CDHR1: variants seen among roughly 807,000 people sequenced by gnomAD.
CDHR1 encodes the protein cadherin-related family member 1.
A neutral mutation model predicts 72.1 loss-of-function variants in CDHR1; 61 were observed. That is an observed-to-expected ratio of 0.85 (90% CI 0.69 to 1.05). CDHR1 has a LOEUF of 1.05. Ranked by LOEUF, CDHR1 falls within the 50% of genes least tolerant of loss-of-function variation. The pLI is 0.00. For missense variants in CDHR1, 1,186 were observed against 1,115.7 expected, an observed-to-expected ratio of 1.06 and a Z score of -0.90; for synonymous variants, 470 against 448.1, an observed-to-expected ratio of 1.05 and a Z score of -0.62.
intron 8 of CDHR1, among the ~76,000 whole-genome samples, chr10:84,203,747 C>T (rs1842174084): frequency 6.6e-6 from 1 of 152,186 alleles, no homozygotes; most frequent in African/African-American, 2.4e-5. Flanking sequence ...AAATGAAACA[C>T]TTTTTGAGGA....
At position 84,216,919 on chromosome 10, in the gene CDHR1, C is replaced by T. The variant is rs180827338; in HGVS notation, c.*2298C>T. The T allele has an allele frequency of 1.6e-3, 1,567 of 985,500 alleles. 7 individuals are homozygous for T. Among genetic ancestry groups the T allele is most frequent in the Non-Finnish European group, 1.8e-3 (1,456 of 829,980 alleles). 61.0% of individuals were successfully genotyped at this position (985,500 alleles called of 1,614,324 possible). A position where few individuals can be genotyped will look rare whatever the true frequency, so the allele number is the denominator to read the frequency against. On this transcript the variant is annotated 3_prime_UTR_variant, in exon 17 of 17. Transcript: ENST00000623527. ...GAAGCACTGTCGTCTCTCAGACAGGCGTCCTAAAGACCTCTAGGCTGGAAG... is the reference window on the plus strand; with the variant it reads ...GAAGCACTGTCGTCTCTCAGACAGGTGTCCTAAAGACCTCTAGGCTGGAAG...
At chr10:84,199,213 C>T (rs1202526709) in intron 5 of CDHR1, 92 bp downstream of exon 5, 3 of 993,684 alleles carry the variant, frequency 3.0e-6, no homozygotes, top group Non-Finnish European at 4.7e-6. Context: ...TGGCTCACTG[C>T]CCTGTGGAGA....
At position 84,216,680 on chromosome 10, in the gene CDHR1, A is replaced by T. The variant is rs1316808153; in HGVS notation, c.*2059A>T. On this transcript the variant is annotated 3_prime_UTR_variant, in exon 17 of 17. Transcript: ENST00000623527. ...GATGTGACTCTAAAGAAGGCTGAAA[A>T]TTTTTGTCCAAATTGCCATGCAGAT... 1 of 985,312 alleles carries T rather than the reference A, an allele frequency of 1.0e-6. No individual in the cohort carries two copies. The highest frequency in any genetic ancestry group is 6.1e-5 in the Admixed American group (1 of 16,270). 61.0% of individuals were successfully genotyped at this position (985,312 alleles called of 1,614,324 possible).
chr10:84,199,169 A>G, intron 5 of CDHR1, 48 bp downstream of exon 5: 1 of 1,478,828 alleles, frequency 6.8e-7, no homozygotes, highest in South Asian at 1.2e-5. Context: ...CCAGGCCCAT[A>G]GCCTACCCCT....
intron 6 of CDHR1, among the ~76,000 whole-genome samples, chr10:84,201,410 G>A (rs1053885289): frequency 1.3e-5 from 2 of 152,146 alleles, no homozygotes; most frequent in African/African-American, 4.8e-5. Context: ...TTGGTGTAGG[G>A]TTTGAAGGTC....
chr10:84,199,239 C>G (rs1340969722), intron 5 of CDHR1, 118 bp downstream of exon 5: 2 of 769,746 alleles, frequency 2.6e-6, no homozygotes, highest in African/African-American at 3.4e-5. Context: ...TCTGTCACCA[C>G]CTGCTCCCTC....
chr10:84,219,445 C>G, downstream of CDHR1: 1 of 1,110,700 alleles, frequency 9.0e-7, no homozygotes, highest in Non-Finnish European at 1.2e-6. Context: ...CCCTCTGTCT[C>G]ATGTGCACCA....
chr10:84,197,402 G>A (rs1168541300), intron 3 of CDHR1, among the ~76,000 whole-genome samples: 1 of 152,170 alleles, frequency 6.6e-6, no homozygotes, highest in Admixed American at 6.5e-5. Context: ...GCCCTGGAAT[G>A]TGGAGAGGTG....
rs1023083004 is a variant in CDHR1 at position 84,216,941 on chromosome 10, G to A, written c.*2320G>A. On this transcript the variant is annotated 3_prime_UTR_variant, in exon 17 of 17. Transcript: ENST00000623527. Reference sequence around the variant, plus strand: ...AGGCGTCCTAAAGACCTCTAGGCTGGAAGCTTGGGCTTGCAAGTGGATCCG... The same window carrying A: ...AGGCGTCCTAAAGACCTCTAGGCTGAAAGCTTGGGCTTGCAAGTGGATCCG... 3.5e-5 allele frequency: 34 copies of A among 985,368 alleles called. No homozygotes were observed. The highest frequency in any genetic ancestry group is 3.9e-5 in the Non-Finnish European group (32 of 829,956). 61.0% of individuals were successfully genotyped at this position (985,368 alleles called of 1,614,324 possible). A position where few individuals can be genotyped will look rare whatever the true frequency, so the allele number is the denominator to read the frequency against.
rs187256027 is a variant in CDHR1, at chr10:84,218,473, T to C, written c.*3852T>C. The C allele has an allele frequency of 2.0e-5, 20 of 985,464 alleles. No homozygotes were observed. In the East Asian group the frequency reaches 2.3e-3, roughly 112 times the overall value. 61.0% of individuals were successfully genotyped at this position (985,464 alleles called of 1,614,324 possible). The stretch of plus-strand genomic sequence containing the variant: ...GGAGTATATCTTCTGTGCCAGGCTC[T>C]CTTCTAGGTGTTAGGTGTATGTCTC... On this transcript the variant is annotated 3_prime_UTR_variant, in exon 17 of 17. Coordinates refer to ENST00000623527, the MANE Select transcript of CDHR1 (RefSeq NM_033100.4).
rs1043940076 is a variant in CDHR1 at position 84,212,882 on chromosome 10, T to C, written c.1783-209T>C. 1.1e-5 allele frequency: 7 copies of C among 633,786 alleles called. No individual in the cohort carries two copies. In the Admixed American group the frequency reaches 1.6e-4, roughly 14 times the overall value. 39.3% of individuals were successfully genotyped at this position (633,786 alleles called of 1,614,324 possible). On this transcript the variant is annotated intron_variant, in intron 15 of 16. Transcript: ENST00000623527. ...TTGCTTCCTAGACTTGTTCTGATAATGGAATCGGCTAGCCCATGTGTAAGA... is the reference window on the plus strand; with the variant it reads ...TTGCTTCCTAGACTTGTTCTGATAACGGAATCGGCTAGCCCATGTGTAAGA...
rs1008749414 is a variant in CDHR1, at chr10:84,214,292, A to T, written c.2251A>T (p.Ile751Phe). Reference sequence around the variant, plus strand: ...GCGGCCCAGCCCTGCGCCCCGCACCATCCGCATTGAGTGGCTCAAGTCCAA... The same window carrying T: ...GCGGCCCAGCCCTGCGCCCCGCACCTTCCGCATTGAGTGGCTCAAGTCCAA... Reference protein sequence around the residue: ...RKRPSPAPRTIRIEWLKSKST... With the variant: ...RKRPSPAPRTFRIEWLKSKST... Residue 751 changes from isoleucine to phenylalanine, a missense_variant, in exon 17 of 17, where the codon ATC (isoleucine) becomes TTC (phenylalanine). Transcript: ENST00000623527. 2 of 1,614,026 alleles carry T rather than the reference A, an allele frequency of 1.2e-6. No individual in the cohort carries two copies. Among genetic ancestry groups the T allele is most frequent in the Non-Finnish European group, 1.7e-6 (2 of 1,180,042 alleles).
intron 6 of CDHR1, among the ~76,000 whole-genome samples, chr10:84,201,334 C>T (rs1418262054): frequency 6.6e-6 from 1 of 152,212 alleles, no homozygotes; most frequent in African/African-American, 2.4e-5. Context: ...CCCTGCCTGC[C>T]TCCTTCAGGC....
At position 84,214,174 on chromosome 10, in the gene CDHR1, C is replaced by G; in HGVS notation, c.2133C>G (p.Thr711=). Residue 711 remains threonine, a synonymous_variant, in exon 17 of 17, where the codon ACC becomes ACG. Transcript: ENST00000623527. The stretch of plus-strand genomic sequence containing the variant: ...GTGTGCTGGCCGGCACCATGGCCAC[C>G]GTCGTGGCCATCACTGTCCTCATCT... ...AVGVLAGTMA[T]VVAITVLIST... 6.2e-7 allele frequency: 1 copy of G among 1,614,160 alleles called. No homozygotes were observed. Among genetic ancestry groups the G allele is most frequent in the Non-Finnish European group, 8.5e-7 (1 of 1,180,028 alleles).
rs1589312752 is a variant in CDHR1 at position 84,217,817 on chromosome 10, A to T, written c.*3196A>T. 1 of 985,434 alleles carries T rather than the reference A, an allele frequency of 1.0e-6. No homozygotes were observed. Among genetic ancestry groups the T allele is most frequent in the South Asian group, 4.7e-5 (1 of 21,288 alleles). The allele number at this position is 985,434 out of a possible 1,614,324, so 61.0% of individuals were successfully genotyped here. Reference sequence around the variant, plus strand: ...TGGAGGACAGGGCAGATGCCACAGCATCTGTGGCCTGTGTAGCCGGCAGCC... The same window carrying T: ...TGGAGGACAGGGCAGATGCCACAGCTTCTGTGGCCTGTGTAGCCGGCAGCC... On this transcript the variant is annotated 3_prime_UTR_variant, in exon 17 of 17. Transcript: ENST00000623527.
In CDHR1 at chr10:84,214,620, A is replaced by G. The variant is rs768577794; in HGVS notation, c.2579A>G (p.Ter860TrpextTer13). The change falls in exon 17 of 17, where the codon TAG (stop) becomes TGG (tryptophan). Residue 860 changes from the stop codon to tryptophan (W), a stop_lost. Coordinates refer to ENST00000623527, the MANE Select transcript of CDHR1 (RefSeq NM_033100.4). ...KKSVHNKAYF[*>W] ...AGTGTGCACAACAAGGCTTACTTCT[A>G]GTGTATGCCCTATGACCCCCCATCT... 6 of 1,599,668 alleles carry G rather than the reference A, an allele frequency of 3.8e-6. No homozygotes were observed. The highest frequency in any genetic ancestry group is 5.1e-6 in the Non-Finnish European group (6 of 1,179,854).
At chr10:84,211,615 G>A (rs1263645812) in intron 13 of CDHR1, 33 bp from the exon 14 acceptor site, 1 of 1,598,950 alleles carries the variant, frequency 6.3e-7, no homozygotes, top group Admixed American at 1.7e-5. Flanking sequence ...CTGACAAAGA[G>A]GCACGTGCCA....
chr10:84,195,612 C>G (rs1278505527), intron 2 of CDHR1, 23 bp downstream of exon 2: 1 of 1,589,008 alleles, frequency 6.3e-7, no homozygotes, highest in African/African-American at 1.3e-5. Flanking sequence ...GGCACCTGCT[C>G]CCGATAGGTC....
At chr10:84,210,974 C>A in intron 12 of CDHR1, 27 bp from the exon 13 acceptor site, 1 of 1,613,974 alleles carries the variant, frequency 6.2e-7, no homozygotes, top group Non-Finnish European at 8.5e-7. Context: ...CCTACCCAGA[C>A]AAGTCCCCAT....
Sources: allele counts gnomAD v4.1 joint callset (sites outside exome capture counted in the v4.1 genomes callset), GRCh38; gene constraint gnomAD v4.1.1; transcripts MANE v1.5; gene names NCBI Gene and HGNC (gene_info 2026-07-23, HGNC 2026-07-21).